SMAGP: variants seen among roughly 807,000 people sequenced by gnomAD.
The protein encoded by SMAGP is small cell transmembrane and glycosylated protein.
SMAGP carries 7 observed loss-of-function variants against 10.1 expected under a neutral mutation model. The ratio of observed to expected loss-of-function variants is 0.70; its 90% CI spans 0.40 to 1.31. SMAGP has a LOEUF of 1.31. Among genes scored for constraint, SMAGP ranks in the 50% most tolerant of loss-of-function variants. The pLI, the probability that SMAGP is intolerant of heterozygous loss-of-function variation, is 0.01. For synonymous variants in SMAGP, 49 were observed against 47.2 expected (o/e 1.04, Z -0.16); for missense variants, 113 against 116.5 (o/e 0.97, Z 0.14).
chr12:51,255,793 A>C (rs1944879548), intron 2 of SMAGP, among the ~76,000 whole-genome samples: 1 of 151,928 alleles, frequency 6.6e-6, no homozygotes, highest in African/African-American at 2.4e-5. Context: ...TTTTTTTGAG[A>C]CAGGGTCTTG....
At chr12:51,250,720 G>A (rs1944829978) in intron 2 of SMAGP, among the ~76,000 whole-genome samples, 3 of 152,072 alleles carry the variant, frequency 2.0e-5, no homozygotes, top group African/African-American at 7.2e-5. Context: ...GGAGTGTGGT[G>A]TACAGCTTCT....
intron 2 of SMAGP, among the ~76,000 whole-genome samples, chr12:51,247,387 A>C (rs2137294105): frequency 6.6e-6 from 1 of 152,314 alleles, no homozygotes; most frequent in East Asian, 1.9e-4. Context: ...CTCTCCTATT[A>C]AAAACCCTTT....
chr12:51,253,167 A>G (rs1415246841), intron 2 of SMAGP, among the ~76,000 whole-genome samples: 1 of 152,194 alleles, frequency 6.6e-6, no homozygotes, highest in Non-Finnish European at 1.5e-5. Context: ...ATTAGAAGTC[A>G]GAATGGGACT....
intron 2 of SMAGP, among the ~76,000 whole-genome samples, chr12:51,266,762 C>T (rs1944978274): frequency 6.6e-6 from 1 of 152,128 alleles, no homozygotes; most frequent in Non-Finnish European, 1.5e-5. Flanking sequence ...GACTACTCTA[C>T]CACTGAATTG....
intron 2 of SMAGP, among the ~76,000 whole-genome samples, chr12:51,260,419 C>T (rs1944922158): frequency 6.6e-6 from 1 of 151,872 alleles, no homozygotes; most frequent in African/African-American, 2.4e-5. Flanking sequence ...CTCTGTCACC[C>T]AGGCTGGAGT....
chr12:51,253,337 C>G (rs947843700), intron 2 of SMAGP, among the ~76,000 whole-genome samples: 8 of 152,156 alleles, frequency 5.3e-5, no homozygotes, highest in African/African-American at 1.9e-4. Context: ...CAGGCAAAAA[C>G]CCTTACCTTT....
intron 1 of SMAGP, chr12:51,270,054 G>T (rs1038449882): frequency 6.6e-6 from 1 of 151,300 alleles, no homozygotes; most frequent in African/African-American, 2.4e-5. Context: ...AGCCCCCCGC[G>T]TTACCAGCAC....
At chr12:51,266,093 A>C (rs1482967336) in intron 2 of SMAGP, among the ~76,000 whole-genome samples, 4 of 152,114 alleles carry the variant, frequency 2.6e-5, no homozygotes, top group Admixed American at 6.5e-5. Flanking sequence ...AAAAAAAAAA[A>C]CAACAGTAGT....
intron 2 of SMAGP, among the ~76,000 whole-genome samples, chr12:51,249,800 A>G (rs545134449): frequency 3.2e-4 from 48 of 151,680 alleles, no homozygotes; most frequent in Middle Eastern, 3.4e-3. Flanking sequence ...TATTTTCAGT[A>G]GAGACAGGGT....
At chr12:51,248,065 AG>A (rs1246274142) in intron 2 of SMAGP, among the ~76,000 whole-genome samples, 1 of 152,180 alleles carries the variant, frequency 6.6e-6, no homozygotes, top group Non-Finnish European at 1.5e-5. Flanking sequence ...GGGGACTCAA[AG>A]GCCAGCGTGG....
intron 2 of SMAGP, among the ~76,000 whole-genome samples, chr12:51,249,809 G>A (rs192820833): frequency 1.3e-5 from 2 of 151,644 alleles, no homozygotes; most frequent in African/African-American, 4.8e-5. Context: ...TAGAGACAGG[G>A]TTTCACCATG....
At chr12:51,267,657 C>A (rs1944988158) in intron 2 of SMAGP, among the ~76,000 whole-genome samples, 1 of 152,028 alleles carries the variant, frequency 6.6e-6, no homozygotes, top group South Asian at 2.1e-4. Flanking sequence ...CCAAGCCCGG[C>A]TAATTTTTAA....
chr12:51,260,845 C>G (rs986490537), intron 2 of SMAGP, among the ~76,000 whole-genome samples: 2 of 150,046 alleles, frequency 1.3e-5, no homozygotes, highest in African/African-American at 4.9e-5. Flanking sequence ...ACCACCACGC[C>G]CAGCTGATTT....
At chr12:51,248,461 C>A (rs1376361940) in intron 2 of SMAGP, among the ~76,000 whole-genome samples, 3 of 145,212 alleles carry the variant, frequency 2.1e-5, no homozygotes, top group Non-Finnish European at 3.0e-5. Flanking sequence ...CTCTCTCTCT[C>A]TCTCTCTCTC....
intron 2 of SMAGP, among the ~76,000 whole-genome samples, 191 bp downstream of exon 2, chr12:51,269,054 C>T (rs1945002722): frequency 6.6e-6 from 1 of 152,144 alleles, no homozygotes; most frequent in Admixed American, 6.6e-5. Flanking sequence ...TCACCATGTC[C>T]ATGTGACTTC....
At position 51,244,984 on chromosome 12, in the gene SMAGP, C is replaced by T. The variant is rs977683162; in HGVS notation, c.*957G>A. On this transcript the variant is annotated 3_prime_UTR_variant, in exon 4 of 4. Coordinates refer to ENST00000603798, the MANE Select transcript of SMAGP (RefSeq NM_001031628.2). Reference sequence around the variant, plus strand: ...GGACTATGGGCGCCCGCCACCACGCCCAGCTATTTTTTTTATATATTTTTA... The same window carrying T: ...GGACTATGGGCGCCCGCCACCACGCTCAGCTATTTTTTTTATATATTTTTA... 4 of 152,214 alleles carry T rather than the reference C, an allele frequency of 2.6e-5. No homozygotes were observed. The highest frequency in any genetic ancestry group is 5.9e-5 in the Non-Finnish European group (4 of 68,154). The allele number at this position is 152,214 out of a possible 1,614,324, so 9.4% of individuals were successfully genotyped here.
At chr12:51,267,596 G>A (rs1403660109) in intron 2 of SMAGP, among the ~76,000 whole-genome samples, 1 of 151,286 alleles carries the variant, frequency 6.6e-6, no homozygotes, top group African/African-American at 2.4e-5. Context: ...TGGGCTCAAG[G>A]GATCCTCCCA....
chr12:51,266,087 A>G (rs1054153303), intron 2 of SMAGP, among the ~76,000 whole-genome samples: 1 of 152,130 alleles, frequency 6.6e-6, no homozygotes, highest in Non-Finnish European at 1.5e-5. Context: ...GTCTCAAAAA[A>G]AAAAAACAAC....
chr12:51,248,399 TACACACACAC>T (rs71443213), intron 2 of SMAGP, among the ~76,000 whole-genome samples: 9 of 132,304 alleles, frequency 6.8e-5, no homozygotes, highest in African/African-American at 2.4e-4. Context: ...TGTGGTGTTT[TACACACACAC>T]ACACACACAC....
Sources: allele counts gnomAD v4.1 joint callset (sites outside exome capture counted in the v4.1 genomes callset), GRCh38; gene constraint gnomAD v4.1.1; transcripts MANE v1.5; gene names NCBI Gene and HGNC (gene_info 2026-07-23, HGNC 2026-07-21).